Variants in PUDP observed in about 807,000 individuals in gnomAD.
The protein encoded by PUDP is pseudouridine-5'-phosphatase.
A neutral mutation model predicts 9.4 loss-of-function variants in PUDP; 8 were observed. That is an observed-to-expected ratio of 0.85 (90% confidence interval 0.50 to 1.53). The LOEUF (loss-of-function observed/expected upper bound fraction) is 1.53, where lower values mean the gene tolerates loss of function less well. PUDP is among the 40% of genes most tolerant of loss of function. PUDP has a pLI of 0.00. For missense variants in PUDP, 188 were observed against 189.7 expected (o/e 0.99, Z 0.05); for synonymous variants, 99 against 80.7 (o/e 1.23, Z -1.22).
At chrX:6,963,183 G>A (rs940668757) in intron 3 of PUDP, among the ~76,000 whole-genome samples, 4 of 112,457 alleles carry the variant, frequency 3.6e-5, no homozygotes, top group African/African-American at 1.3e-4. Flanking sequence ...CACCATCACA[G>A]TCAGCTGGAA....
chrX:7,070,621 C>G (rs1199712066), intron 3 of PUDP, among the ~76,000 whole-genome samples: 3 of 111,018 alleles, frequency 2.7e-5, no homozygotes, highest in Non-Finnish European at 5.7e-5. Flanking sequence ...CTCTGTCACC[C>G]AGGCTGGAGT....
intron 3 of PUDP, among the ~76,000 whole-genome samples, chrX:6,971,296 T>C (rs1045987704): frequency 1.1e-4 from 12 of 111,788 alleles, no homozygotes; most frequent in African/African-American, 3.9e-4. Flanking sequence ...GTAGTATAGT[T>C]TGAAGTCAGG....
intron 3 of PUDP, among the ~76,000 whole-genome samples, chrX:6,865,064 A>G (rs1927058536): frequency 9.0e-6 from 1 of 111,345 alleles, no homozygotes; most frequent in Non-Finnish European, 1.9e-5. Flanking sequence ...CTGAAGCCCT[A>G]TGTTCTGAAA....
chrX:7,096,923 C>T (rs907196563), intron 2 of PUDP, among the ~76,000 whole-genome samples: 1 of 110,753 alleles, frequency 9.0e-6, no homozygotes, highest in East Asian at 2.8e-4. Flanking sequence ...TTTCATTCCT[C>T]TAGTGACAAA....
chrX:6,851,768 C>A (rs1440683100), intron 3 of PUDP, among the ~76,000 whole-genome samples: 1 of 111,097 alleles, frequency 9.0e-6, no homozygotes, highest in Non-Finnish European at 1.9e-5. Context: ...TTAACACAGG[C>A]ACCACCAACT....
chrX:6,706,350 C>T (rs1024375532), exon 2 of PUDP: 7 of 111,930 alleles, frequency 6.3e-5, no homozygotes, highest in East Asian at 2.8e-4. Flanking sequence ...CACCTGTAGT[C>T]GCAACCATTC....
At chrX:7,117,698 T>C (rs1055553022) in intron 1 of PUDP, among the ~76,000 whole-genome samples, 1 of 113,140 alleles carries the variant, frequency 8.8e-6, no homozygotes, top group Non-Finnish European at 1.9e-5. Context: ...GAGCAACCAC[T>C]TGCCAGAGAA....
At chrX:6,765,227 C>A (rs1925270458) in intron 3 of PUDP, among the ~76,000 whole-genome samples, 1 of 111,368 alleles carries the variant, frequency 9.0e-6, no homozygotes, top group South Asian at 3.8e-4. Context: ...TTGCAGTGAG[C>A]CAACATCACG....
chrX:6,779,844 T>C (rs1925528165), intron 3 of PUDP, among the ~76,000 whole-genome samples: 2 of 110,932 alleles, frequency 1.8e-5, no homozygotes, highest in Admixed American at 1.9e-4. Flanking sequence ...AGAAGTTCAC[T>C]TGAGCCCAGG....
chrX:6,709,123 C>T (rs1310857024), intron 1 of PUDP, among the ~76,000 whole-genome samples: 1 of 112,094 alleles, frequency 8.9e-6, no homozygotes, highest in Non-Finnish European at 1.9e-5. Flanking sequence ...GAATCATCCT[C>T]TTAGAAGATT....
At chrX:6,809,389 C>T (rs756937379) in intron 3 of PUDP, among the ~76,000 whole-genome samples, 2 of 109,706 alleles carry the variant, frequency 1.8e-5, no homozygotes, top group African/African-American at 6.6e-5. Flanking sequence ...CCTCAAACTC[C>T]TATGCTCAAG....
intron 3 of PUDP, among the ~76,000 whole-genome samples, chrX:6,875,281 C>A (rs1927236332): frequency 9.0e-6 from 1 of 110,965 alleles, no homozygotes; most frequent in South Asian, 3.9e-4. Context: ...GTTGCCCAGG[C>A]TGGTCTTGAA....
intron 2 of PUDP, among the ~76,000 whole-genome samples, chrX:7,097,472 C>T (rs1453047879): frequency 2.7e-5 from 3 of 111,449 alleles, no homozygotes; most frequent in Admixed American, 9.5e-5. Context: ...ACCCCAGGAG[C>T]GGCCACTACT....
chrX:6,816,741 GTAT>G (rs1461605208), intron 3 of PUDP, among the ~76,000 whole-genome samples: 2 of 90,089 alleles, frequency 2.2e-5, no homozygotes, highest in African/African-American at 8.4e-5. Flanking sequence ...TACACACATA[GTAT>G]ATACGATATA....
At chrX:6,920,515 C>T (rs1427278011) in intron 3 of PUDP, among the ~76,000 whole-genome samples, 2 of 111,852 alleles carry the variant, frequency 1.8e-5, no homozygotes, top group African/African-American at 6.5e-5. Flanking sequence ...GGGCAAATTT[C>T]CCTCCCAGTC....
chrX:6,982,183 C>A (rs189607394), intron 1 of PUDP, among the ~76,000 whole-genome samples: 1 of 111,683 alleles, frequency 9.0e-6, no homozygotes, highest in Non-Finnish European at 1.9e-5. Flanking sequence ...CACACACACA[C>A]AGACACAATG....
chrX:7,082,713 C>G (rs1367057185), intron 2 of PUDP, among the ~76,000 whole-genome samples: 1 of 112,403 alleles, frequency 8.9e-6, no homozygotes, highest in Non-Finnish European at 1.9e-5. Context: ...TTCTGCTGAG[C>G]CTCCACTTCC....
intron 3 of PUDP, among the ~76,000 whole-genome samples, chrX:6,836,808 C>T (rs1926589841): frequency 8.9e-6 from 1 of 112,098 alleles, no homozygotes; most frequent in South Asian, 3.7e-4. Context: ...AACAGCTTCC[C>T]TACAGTCTAC....
At chrX:6,743,171 C>T (rs1430373916) in intron 3 of PUDP, among the ~76,000 whole-genome samples, 1 of 112,072 alleles carries the variant, frequency 8.9e-6, no homozygotes, top group African/African-American at 3.3e-5. Flanking sequence ...TAAATAAGCT[C>T]AAGCCTGCTT....
Sources: allele counts gnomAD v4.1 joint callset (sites outside exome capture counted in the v4.1 genomes callset), GRCh38; gene constraint gnomAD v4.1.1; transcripts MANE v1.5; gene names NCBI Gene and HGNC (gene_info 2026-07-23, HGNC 2026-07-21).